The following CACNA2D3 variants were observed in gnomAD, a reference collection of about 807,000 sequenced individuals.
CACNA2D3 encodes calcium voltage-gated channel auxiliary subunit alpha2delta 3.
CACNA2D3 carries 60 observed loss-of-function variants against 160.6 expected under a neutral mutation model. That is an observed-to-expected ratio of 0.37 (90% CI 0.30 to 0.46). CACNA2D3 has a LOEUF of 0.46. Ranked by LOEUF, CACNA2D3 falls within the 20% of genes least tolerant of loss-of-function variation. The pLI, the probability that CACNA2D3 is intolerant of heterozygous loss-of-function variation, is 1.00. For missense variants in CACNA2D3, 1,205 were observed against 1,365.0 expected, an observed-to-expected ratio of 0.88 and a Z score of 1.85; for synonymous variants, 558 against 492.9, an observed-to-expected ratio of 1.13 and a Z score of -1.75.
chr3:55,004,924 C>CAAGT, intron 32 of CACNA2D3, 86 bp downstream of exon 32: 1 of 878,706 alleles, frequency 1.1e-6, no homozygotes, highest in Non-Finnish European at 1.8e-6. Flanking sequence ...TTGGAGTAAT[C>CAAGT]AAGTTTATCT....
At chr3:54,572,938 A>T (rs931233992) in intron 8 of CACNA2D3, among the ~76,000 whole-genome samples, 1 of 152,246 alleles carries the variant, frequency 6.6e-6, no homozygotes, top group Non-Finnish European at 1.5e-5. Flanking sequence ...CGATTGAAAT[A>T]ATCTATGTAA....
At chr3:54,233,997 C>G (rs551914810) in intron 2 of CACNA2D3, among the ~76,000 whole-genome samples, 1 of 151,982 alleles carries the variant, frequency 6.6e-6, no homozygotes, top group East Asian at 1.9e-4. Flanking sequence ...ACAGCAAAAG[C>G]AAAAATTGAG....
In CACNA2D3 at chr3:54,872,693, G is replaced by A. The variant is rs1291238750; in HGVS notation, c.1710+1071G>A. On this transcript the variant is annotated intron_variant, in intron 18 of 37. Transcript: ENST00000474759. ...TCATTTTCATCCTTGCTGGTAAAATGTGAGAGCCATACCTGTTTTAGAAAC... is the reference window on the plus strand; with the variant it reads ...TCATTTTCATCCTTGCTGGTAAAATATGAGAGCCATACCTGTTTTAGAAAC... Among the ~76,000 whole-genome samples the A allele has an allele frequency of 2.0e-5, 3 of 152,302 alleles. No homozygotes were observed. In the East Asian group the frequency reaches 5.8e-4, roughly 29 times the overall value.
At chr3:54,955,616 T>G (rs941139577) in intron 27 of CACNA2D3, among the ~76,000 whole-genome samples, 1 of 152,102 alleles carries the variant, frequency 6.6e-6, no homozygotes, top group African/African-American at 2.4e-5. Context: ...CTCCAGTCTT[T>G]GGGATATCAT....
intron 35 of CACNA2D3, among the ~76,000 whole-genome samples, chr3:55,049,854 G>A (rs1294785759): frequency 6.9e-6 from 1 of 145,976 alleles, no homozygotes; most frequent in Non-Finnish European, 1.5e-5. Context: ...TTACCATTAT[G>A]TAATAGCCTT....
chr3:54,263,860 C>T (rs1458930508), intron 2 of CACNA2D3, among the ~76,000 whole-genome samples: 1 of 152,174 alleles, frequency 6.6e-6, no homozygotes, highest in Non-Finnish European at 1.5e-5. Flanking sequence ...GCTGGAATCT[C>T]ATCCCCTCTG....
At chr3:54,525,543 G>A (rs1342984021) in intron 5 of CACNA2D3, among the ~76,000 whole-genome samples, 1 of 152,064 alleles carries the variant, frequency 6.6e-6, no homozygotes, top group Non-Finnish European at 1.5e-5. Context: ...TTCTTTATCT[G>A]TTAATATCTT....
At chr3:54,159,101 T>C (rs575998860) in intron 2 of CACNA2D3, among the ~76,000 whole-genome samples, 30 of 152,322 alleles carry the variant, frequency 2.0e-4, no homozygotes, top group African/African-American at 6.7e-4. Context: ...CTCTTTAAAT[T>C]ATTCTTGTTT....
At chr3:54,763,936 C>T (rs1226186987) in intron 12 of CACNA2D3, among the ~76,000 whole-genome samples, 2 of 140,186 alleles carry the variant, frequency 1.4e-5, no homozygotes, top group Middle Eastern at 3.8e-3. Flanking sequence ...AGGATATTCT[C>T]CAAAGAATTA....
chr3:54,925,333 C>T (rs1315852093), intron 27 of CACNA2D3: 6 of 794,224 alleles, frequency 7.6e-6, no homozygotes, highest in African/African-American at 5.1e-5. Flanking sequence ...CCTTCTACAA[C>T]CTGCAAGAGA....
intron 13 of CACNA2D3, among the ~76,000 whole-genome samples, chr3:54,803,239 G>A (rs924986159): frequency 6.6e-6 from 1 of 152,326 alleles, no homozygotes; most frequent in Non-Finnish European, 1.5e-5. Flanking sequence ...AGGGAAGAAG[G>A]CTTCAGACGA....
In CACNA2D3 at chr3:54,203,960, G is replaced by C. The variant is rs76283977; in HGVS notation, c.204+80366G>C. Reference sequence around the variant, plus strand: ...AGTGCCTGTCCTCACCTAGGTCCCTGGGAGTGGGACCCTAGCCAGGGACCC... The same window carrying C: ...AGTGCCTGTCCTCACCTAGGTCCCTCGGAGTGGGACCCTAGCCAGGGACCC... On this transcript the variant is annotated intron_variant, in intron 2 of 37. Coordinates refer to ENST00000474759, the MANE Select transcript of CACNA2D3 (RefSeq NM_018398.3). Among the ~76,000 whole-genome samples the C allele has an allele frequency of 0.015, 2,216 of 151,982 alleles. 124 individuals carry two copies. In the East Asian group the frequency reaches 0.21, roughly 14 times the overall value.
At chr3:54,720,020 A>G (rs1400049999) in intron 11 of CACNA2D3, among the ~76,000 whole-genome samples, 1 of 151,860 alleles carries the variant, frequency 6.6e-6, no homozygotes, top group Non-Finnish European at 1.5e-5. Flanking sequence ...TGATTAATTT[A>G]TGTTTTCACT....
At chr3:54,631,251 A>C (rs1375077697) in intron 10 of CACNA2D3, among the ~76,000 whole-genome samples, 1 of 146,284 alleles carries the variant, frequency 6.8e-6, no homozygotes, top group African/African-American at 2.7e-5. Context: ...TAAATGTTAC[A>C]AAATGTCCCA....
intron 9 of CACNA2D3, among the ~76,000 whole-genome samples, chr3:54,597,767 C>T (rs911056835): frequency 6.6e-6 from 1 of 152,110 alleles, no homozygotes; most frequent in East Asian, 1.9e-4. Context: ...TATAGCAACA[C>T]ACATATATCC....
intron 14 of CACNA2D3, among the ~76,000 whole-genome samples, chr3:54,818,217 T>A (rs1266079505): frequency 6.6e-6 from 1 of 152,176 alleles, no homozygotes; most frequent in Non-Finnish European, 1.5e-5. Context: ...TGAGACAGAG[T>A]CTCACTATGT....
intron 27 of CACNA2D3, among the ~76,000 whole-genome samples, chr3:54,937,469 C>T (rs1232690742): frequency 6.6e-6 from 1 of 152,210 alleles, no homozygotes. Context: ...TTCCAAGTAT[C>T]CAGGTTTCAC....
At chr3:54,426,786 T>G (rs1699917739) in intron 4 of CACNA2D3, among the ~76,000 whole-genome samples, 1 of 152,246 alleles carries the variant, frequency 6.6e-6, no homozygotes, top group African/African-American at 2.4e-5. Flanking sequence ...CTTTGATTTT[T>G]TTTTTCATTT....
intron 2 of CACNA2D3, among the ~76,000 whole-genome samples, chr3:54,286,936 A>G (rs537377713): frequency 6.6e-6 from 1 of 152,228 alleles, no homozygotes; most frequent in East Asian, 1.9e-4. Context: ...AGCACTAAAC[A>G]TGGAAAGGAA....
Sources: gnomAD v4.1 joint callset for allele counts (sites outside exome capture counted in the v4.1 genomes callset) on GRCh38, gnomAD v4.1.1 for gene constraint, MANE v1.5 for transcripts, NCBI Gene and HGNC (gene_info 2026-07-23, HGNC 2026-07-21) for gene names.